KCMF1: variants seen among roughly 807,000 people sequenced by gnomAD.
KCMF1 encodes potassium channel modulatory factor 1, also known as E3 ubiquitin-protein ligase KCMF1.
In KCMF1, 3 loss-of-function variants were observed where a neutral mutation model predicts 41.1. That is an observed-to-expected ratio of 0.07 (90% CI 0.03 to 0.19). The LOEUF is 0.19. Among genes scored for constraint, KCMF1 ranks in the 10% least tolerant of loss-of-function variants. The pLI, the probability that KCMF1 is intolerant of heterozygous loss-of-function variation, is 1.00. For missense variants in KCMF1, 286 were observed against 488.9 expected (o/e 0.58, Z 3.91); for synonymous variants, 142 against 164.5 (o/e 0.86, Z 1.04).
rs896025394 is a variant in KCMF1 at position 85,055,264 on chromosome 2, G to A, written c.*1855G>A. On this transcript the variant is annotated 3_prime_UTR_variant, in exon 7 of 7. Transcript: ENST00000409785. ...ACTGTTGACCACTTGAATTTCTTTG[G>A]TGTTAGTGGATTAACCTAACCATTA... is the stretch of plus-strand genomic sequence containing the variant. The A allele has an allele frequency of 1.3e-5, 2 of 152,114 alleles. No individual in the cohort carries two copies. The highest frequency in any genetic ancestry group is 6.6e-5 in the Admixed American group (1 of 15,266). The allele number at this position is 152,114 out of a possible 1,614,324, so 9.4% of individuals were successfully genotyped here. A position where few individuals can be genotyped will look rare whatever the true frequency, so the allele number is the denominator to read the frequency against.
intron 3 of KCMF1, 43 bp from the exon 4 acceptor site, chr2:85,043,521 T>C (rs768693734): frequency 1.2e-5 from 13 of 1,109,358 alleles, no homozygotes; most frequent in South Asian, 2.6e-5. Context: ...AGATGTCTTA[T>C]TGACGTTCAT....
intron 1 of KCMF1, among the ~76,000 whole-genome samples, chr2:85,007,159 A>G (rs1299999099): frequency 6.6e-6 from 1 of 151,888 alleles, no homozygotes; most frequent in Non-Finnish European, 1.5e-5. Context: ...CATATCCACT[A>G]ACTGGATCTT....
At chr2:85,047,709 T>C (rs1327998428) in intron 5 of KCMF1, among the ~76,000 whole-genome samples, 1 of 150,100 alleles carries the variant, frequency 6.7e-6, no homozygotes, top group Non-Finnish European at 1.5e-5. Flanking sequence ...ATACAAGAAA[T>C]CACTGTAGCC....
Position 85,055,239 on chromosome 2 carries a change from A to G in KCMF1, c.*1830A>G, listed in dbSNP as rs1675900561. On this transcript the variant is annotated 3_prime_UTR_variant, in exon 7 of 7. Coordinates refer to ENST00000409785, the MANE Select transcript of KCMF1 (RefSeq NM_020122.5). ...CACATTTCAATAAAGCATTTTCAAG[A>G]CTGTTGACCACTTGAATTTCTTTGG... 2 of 152,174 alleles carry G rather than the reference A, an allele frequency of 1.3e-5. No individual in the cohort carries two copies. The highest frequency in any genetic ancestry group is 2.9e-5 in the Non-Finnish European group (2 of 68,024). 9.4% of individuals were successfully genotyped at this position (152,174 alleles called of 1,614,324 possible). A position where few individuals can be genotyped will look rare whatever the true frequency, so the allele number is the denominator to read the frequency against.
intron 1 of KCMF1, among the ~76,000 whole-genome samples, chr2:84,979,826 ATT>A (rs201197085): frequency 6.9e-6 from 1 of 145,460 alleles, no homozygotes; most frequent in East Asian, 2.0e-4. Flanking sequence ...AAATTTGGTA[ATT>A]TTTTTTTTTT....
intron 1 of KCMF1, among the ~76,000 whole-genome samples, chr2:85,005,550 A>G (rs1674448534): frequency 6.6e-6 from 1 of 152,086 alleles, no homozygotes; most frequent in African/African-American, 2.4e-5. Context: ...TCGGCCTCCC[A>G]AAGTGCTGGG....
chr2:84,990,109 T>G (rs1674002043), intron 1 of KCMF1, among the ~76,000 whole-genome samples: 1 of 152,236 alleles, frequency 6.6e-6, no homozygotes, highest in Non-Finnish European at 1.5e-5. Context: ...GAATGCCGTG[T>G]TCATTGGCTT....
chr2:85,052,976 G>A (rs867889172), intron 6 of KCMF1, among the ~76,000 whole-genome samples, 172 bp from the exon 7 acceptor site: 2 of 152,068 alleles, frequency 1.3e-5, no homozygotes, highest in East Asian at 3.9e-4. Flanking sequence ...AACAAGTGTG[G>A]GGAATTCGTC....
At chr2:85,040,205 C>T (rs1469417362) in intron 3 of KCMF1, among the ~76,000 whole-genome samples, 1 of 152,112 alleles carries the variant, frequency 6.6e-6, no homozygotes, top group Non-Finnish European at 1.5e-5. Flanking sequence ...TAATTTTAAG[C>T]TTGTGTGTTA....
At chr2:85,029,677 ATTTT>A (rs1178504248) in intron 2 of KCMF1, among the ~76,000 whole-genome samples, 1 of 130,662 alleles carries the variant, frequency 7.7e-6, no homozygotes. Context: ...TCATGCTATA[ATTTT>A]TTTTTTTTTT....
At chr2:84,999,439 C>A (rs1472437629) in intron 1 of KCMF1, among the ~76,000 whole-genome samples, 1 of 152,116 alleles carries the variant, frequency 6.6e-6, no homozygotes, top group East Asian at 1.9e-4. Flanking sequence ...GCGTGAGCCA[C>A]CACACCCGGC....
At chr2:85,017,674 G>GT (rs1259971136) in intron 1 of KCMF1, among the ~76,000 whole-genome samples, 1 of 150,776 alleles carries the variant, frequency 6.6e-6, no homozygotes, top group Non-Finnish European at 1.5e-5. Flanking sequence ...ACTTCCTGTT[G>GT]TATTCTTTTT....
chr2:84,974,197 C>G (rs1343008341), intron 1 of KCMF1, among the ~76,000 whole-genome samples: 1 of 151,630 alleles, frequency 6.6e-6, no homozygotes, highest in East Asian at 1.9e-4. Context: ...CTCTGTAGTT[C>G]TCATTTCCTT....
chr2:84,993,141 T>C (rs1674086061), intron 1 of KCMF1, among the ~76,000 whole-genome samples: 1 of 151,322 alleles, frequency 6.6e-6, no homozygotes, highest in Admixed American at 6.6e-5. Context: ...GAGCCATGAT[T>C]GTGCCACTGC....
chr2:84,998,429 A>G (rs915631325), intron 1 of KCMF1, among the ~76,000 whole-genome samples: 4 of 152,112 alleles, frequency 2.6e-5, no homozygotes, highest in Non-Finnish European at 5.9e-5. Context: ...GAAAACACAT[A>G]CATAATGGAA....
chr2:85,018,026 T>C (rs1302752955), intron 1 of KCMF1, among the ~76,000 whole-genome samples: 1 of 152,190 alleles, frequency 6.6e-6, no homozygotes, highest in Non-Finnish European at 1.5e-5. Flanking sequence ...CAGATATAAC[T>C]TTTTCAGATA....
intron 3 of KCMF1, among the ~76,000 whole-genome samples, chr2:85,041,737 T>C (rs1002062301): frequency 6.6e-6 from 1 of 151,978 alleles, no homozygotes; most frequent in Admixed American, 6.5e-5. Flanking sequence ...GAACTTGTTT[T>C]CTGTTTCTCC....
rs1574021256 is a variant in KCMF1 at position 85,008,340 on chromosome 2, G to GATAGATA, written c.17-19546_17-19545insGATAATA. ...ATATATCATATATAATATATAATAT[G>GATAGATA]ATATATAATATATAATATATATTAT... On this transcript the variant is annotated intron_variant, in intron 1 of 6. Transcript: ENST00000409785. Among the ~76,000 whole-genome samples, 5 of 27,326 alleles carry GATAGATA rather than the reference G, an allele frequency of 1.8e-4. No individual in the cohort carries two copies. In the East Asian group the frequency reaches 6.8e-3, roughly 37 times the overall value. 17.9% of individuals were successfully genotyped at this position (27,326 alleles called of 152,430 possible).
chr2:85,055,534 A>C lies in KCMF1; in HGVS notation c.*2125A>C, dbSNP rs1268921313. The C allele has an allele frequency of 1.3e-5, 2 of 152,228 alleles. No individual in the cohort carries two copies. Among genetic ancestry groups the C allele is most frequent in the Non-Finnish European group, 2.9e-5 (2 of 68,042 alleles). The allele number at this position is 152,228 out of a possible 1,614,324, so 9.4% of individuals were successfully genotyped here. A position where few individuals can be genotyped will look rare whatever the true frequency, so the allele number is the denominator to read the frequency against. ...AGATGATCACTTTTAACACTGCAGAAGACCTAAGGAGTCATAAGATTCCAT... is the reference window on the plus strand; with the variant it reads ...AGATGATCACTTTTAACACTGCAGACGACCTAAGGAGTCATAAGATTCCAT... On this transcript the variant is annotated 3_prime_UTR_variant, in exon 7 of 7. Transcript: ENST00000409785.
Sources: gnomAD v4.1 joint callset for allele counts (sites outside exome capture counted in the v4.1 genomes callset) on GRCh38, gnomAD v4.1.1 for gene constraint, MANE v1.5 for transcripts, NCBI Gene and HGNC (gene_info 2026-07-23, HGNC 2026-07-21) for gene names.